ITGB8: variants seen among roughly 807,000 people sequenced by gnomAD.
ITGB8 encodes the protein integrin subunit beta 8, also known as integrin beta-8.
Under a neutral mutation model 89.5 loss-of-function variants are expected in ITGB8, and 30 were observed. The ratio of observed to expected loss-of-function variants is 0.34; its 90% CI spans 0.25 to 0.45. The LOEUF is 0.45. Ranked by LOEUF, ITGB8 falls within the 20% of genes least tolerant of loss-of-function variation. ITGB8 has a pLI of 1.00. For missense variants in ITGB8, 836 were observed against 933.3 expected (o/e 0.90, Z 1.36); for synonymous variants, 335 against 320.4 (o/e 1.05, Z -0.49).
At chr7:20,376,260 T>C (rs1366915284) in intron 3 of ITGB8, among the ~76,000 whole-genome samples, 1 of 152,160 alleles carries the variant, frequency 6.6e-6, no homozygotes, top group East Asian at 1.9e-4. Context: ...AAACCACTGA[T>C]GGGAAGTGGA....
At position 20,366,117 on chromosome 7, in the gene ITGB8, A is replaced by C. The variant is rs540897674; in HGVS notation, c.214-895A>C. ...TAAGTAATTGGAAAATAATTAGGATAGAAACAGCATCATCAATATTACCTA... is the reference window on the plus strand; with the variant it reads ...TAAGTAATTGGAAAATAATTAGGATCGAAACAGCATCATCAATATTACCTA... On this transcript the variant is annotated intron_variant, in intron 2 of 13. Coordinates refer to ENST00000222573, the MANE Select transcript of ITGB8 (RefSeq NM_002214.3). The C allele has an allele frequency of 1.6e-4, 25 of 152,324 alleles. No individual in the cohort carries two copies. The East Asian group carries it at 3.5e-3, about 21-fold the overall frequency. The allele number at this position is 152,324 out of a possible 1,614,324, so 9.4% of individuals were successfully genotyped here. A position where few individuals can be genotyped will look rare whatever the true frequency, so the allele number is the denominator to read the frequency against.
Position 20,358,272 on chromosome 7 carries a change from A to C in ITGB8, c.128-5365A>C, listed in dbSNP as rs114681624. On this transcript the variant is annotated intron_variant, in intron 1 of 13. Coordinates refer to ENST00000222573, the MANE Select transcript of ITGB8 (RefSeq NM_002214.3). ...GCCACCATTCCTGGCCTACCTGGTT[A>C]CTTTCTCTAGATGGGAGATAGCAAT... Among the ~76,000 whole-genome samples, 1,195 of 152,096 alleles carry C rather than the reference A, an allele frequency of 7.9e-3. 17 individuals carry two copies. The highest frequency in any genetic ancestry group is 0.028 in the African/African-American group (1,149 of 41,492).
intron 1 of ITGB8, among the ~76,000 whole-genome samples, chr7:20,350,987 T>C (rs1785095404): frequency 6.6e-6 from 1 of 152,166 alleles, no homozygotes. Flanking sequence ...AGTTTCCCTG[T>C]GCATAGAAAG....
chr7:20,409,420 T>C lies in ITGB8; in HGVS notation c.2024-195T>C, dbSNP rs79044096. 4.3e-3 allele frequency among the ~76,000 whole-genome samples: 660 copies of C among 152,360 alleles called. 8 individuals carry two copies. Among genetic ancestry groups the C allele is most frequent in the African/African-American group, 0.015 (613 of 41,588 alleles). ...AAGGAGGGTTTTCTATTGAAAATAT[T>C]TTCATAGTAAACGCGCAAGAAAAAT... is the stretch of plus-strand genomic sequence containing the variant. On this transcript the variant is annotated intron_variant, in intron 12 of 13. Transcript: ENST00000222573.
chr7:20,414,084 T>C lies in ITGB8; in HGVS notation c.*4087T>C, dbSNP rs566286597. The C allele has an allele frequency of 6.6e-6, 1 of 152,308 alleles. No homozygotes were observed. Among genetic ancestry groups the C allele is most frequent in the Non-Finnish European group, 1.5e-5 (1 of 67,988 alleles). 9.4% of individuals were successfully genotyped at this position (152,308 alleles called of 1,614,324 possible). A position where few individuals can be genotyped will look rare whatever the true frequency, so the allele number is the denominator to read the frequency against. On this transcript the variant is annotated 3_prime_UTR_variant, in exon 14 of 14. Coordinates refer to ENST00000222573, the MANE Select transcript of ITGB8 (RefSeq NM_002214.3). ...TTTAACATCTCTGAAATTGTGACAT[T>C]TCTTGCAACTGTTGGCACTTCAGAT... is the stretch of plus-strand genomic sequence containing the variant.
At chr7:20,333,351 G>C (rs747438655) in intron 1 of ITGB8, among the ~76,000 whole-genome samples, 2 of 152,096 alleles carry the variant, frequency 1.3e-5, no homozygotes, top group African/African-American at 2.4e-5. Flanking sequence ...TTCATTATCA[G>C]TTATCTCTTA....
At chr7:20,397,843 T>C (rs574092213) in intron 8 of ITGB8, among the ~76,000 whole-genome samples, 103 of 152,338 alleles carry the variant, frequency 6.8e-4, no homozygotes, top group Admixed American at 1.0e-3. Flanking sequence ...GATTATACCA[T>C]TGAAGAAGAG....
intron 6 of ITGB8, among the ~76,000 whole-genome samples, chr7:20,390,322 T>C (rs1267297685): frequency 6.6e-6 from 1 of 152,134 alleles, no homozygotes; most frequent in African/African-American, 2.4e-5. Context: ...TAACATCATC[T>C]CTCTGATAAG....
At chr7:20,373,538 T>C (rs909695138) in intron 3 of ITGB8, among the ~76,000 whole-genome samples, 1 of 152,194 alleles carries the variant, frequency 6.6e-6, no homozygotes, top group African/African-American at 2.4e-5. Flanking sequence ...AGTGTAGATT[T>C]AGTAAGATTT....
At chr7:20,391,655 A>C (rs10257338) in intron 7 of ITGB8, among the ~76,000 whole-genome samples, 157 bp downstream of exon 7, 120,694 of 152,100 alleles carry the variant, frequency 0.79, 48,180 homozygotes, top group Middle Eastern at 0.88. Context: ...ACAATGTCTT[A>C]ACTTAGCATT....
chr7:20,406,172 G>T lies in ITGB8; in HGVS notation c.2023+1G>T. 1 of 1,544,772 alleles carries T rather than the reference G, an allele frequency of 6.5e-7. No homozygotes were observed. Among genetic ancestry groups the T allele is most frequent in the Non-Finnish European group, 9.0e-7 (1 of 1,117,018 alleles). ...CAGCATTATGTCGACCAAACTTCAG[G>T]TAGGCCAAAGCTTAATAATCAAAGC... On this transcript the variant is annotated splice_donor_variant, in intron 12 of 13. Coordinates refer to ENST00000222573, the MANE Select transcript of ITGB8 (RefSeq NM_002214.3). LOFTEE classifies it high-confidence loss of function.
chr7:20,379,535 CA>C lies in ITGB8; in HGVS notation c.635+245del, dbSNP rs1303178209. On this transcript the variant is annotated intron_variant, in intron 4 of 13. Transcript: ENST00000222573. ...AGTCAGTTTTTATCACCAAAAAAAA[CA>C]AAAAAACAAACAAAAAACCCTACCT... 2.4e-5 allele frequency: 4 copies of C among 164,582 alleles called. No homozygotes were observed. The South Asian group carries it at 8.4e-4, about 35-fold the overall frequency. 10.2% of individuals were successfully genotyped at this position (164,582 alleles called of 1,614,324 possible).
At position 20,410,164 on chromosome 7, in the gene ITGB8, C is replaced by T; in HGVS notation, c.*167C>T. 1.5e-6 allele frequency: 1 copy of T among 659,632 alleles called. No individual in the cohort carries two copies. The allele number at this position is 659,632 out of a possible 1,614,324, so 40.9% of individuals were successfully genotyped here. A position where few individuals can be genotyped will look rare whatever the true frequency, so the allele number is the denominator to read the frequency against. On this transcript the variant is annotated 3_prime_UTR_variant, in exon 14 of 14. Coordinates refer to ENST00000222573, the MANE Select transcript of ITGB8 (RefSeq NM_002214.3). ...AGTATCCTCATCATGATGTGACTCACATAGCTGCTGACTTTTTCAGAGAAA... is the reference window on the plus strand; with the variant it reads ...AGTATCCTCATCATGATGTGACTCATATAGCTGCTGACTTTTTCAGAGAAA...
rs776606479 is a variant in ITGB8, at chr7:20,404,794, G to A, written c.1854G>A (p.Arg618=). 3 of 1,614,182 alleles carry A rather than the reference G, an allele frequency of 1.9e-6. No homozygotes were observed. Among genetic ancestry groups the A allele is most frequent in the Non-Finnish European group, 2.5e-6 (3 of 1,180,038 alleles). Residue 618 remains arginine, a synonymous_variant, in exon 11 of 14, where the codon AGG becomes AGA. Coordinates refer to ENST00000222573, the MANE Select transcript of ITGB8 (RefSeq NM_002214.3). ...VCGRCECTDP[R]SIGRFCEHCP... is the part of the protein sequence containing the mutation. ...GAAGGTGTGAGTGCACCGATCCCAG[G>A]AGCATCGGCCGCTTCTGTGAACACT...
chr7:20,396,180 T>C (rs937788189), intron 8 of ITGB8, among the ~76,000 whole-genome samples: 1 of 152,138 alleles, frequency 6.6e-6, no homozygotes, highest in African/African-American at 2.4e-5. Context: ...GGTTCATGCC[T>C]GTAATCCCAG....
At chr7:20,342,490 C>G (rs1023263875) in intron 1 of ITGB8, among the ~76,000 whole-genome samples, 9 of 152,142 alleles carry the variant, frequency 5.9e-5, no homozygotes, top group African/African-American at 2.2e-4. Context: ...CCAGGATGGT[C>G]TAAATGAGTT....
rs753496259 is a variant in ITGB8, at chr7:20,401,842, G to T, written c.1403G>T (p.Ser468Ile). 3.1e-6 allele frequency: 5 copies of T among 1,613,992 alleles called. No homozygotes were observed. The South Asian group carries it at 4.4e-5, about 14-fold the overall frequency. ...AAAATTCATATACACAGAAACTGCA[G>T]CTGTCAGTGTGAGGACAACAGAGGA... Reference protein sequence around the residue: ...TAKIHIHRNCSCQCEDNRGPK... With the variant: ...TAKIHIHRNCICQCEDNRGPK... The change falls in exon 10 of 14, where the codon AGC becomes ATC. Residue 468 changes from serine (S) to isoleucine (I), a missense_variant. Around this residue, in one of 5 missense-constraint regions of ITGB8, gnomAD observed 422 missense variants for 416.9 expected, o/e 1.01. Coordinates refer to ENST00000222573, the MANE Select transcript of ITGB8 (RefSeq NM_002214.3).
chr7:20,352,000 C>G (rs1461682313), intron 1 of ITGB8, among the ~76,000 whole-genome samples: 2 of 152,250 alleles, frequency 1.3e-5, no homozygotes, highest in East Asian at 3.9e-4. Context: ...GAGGAACAGA[C>G]TGGGAAACCA....
intron 8 of ITGB8, among the ~76,000 whole-genome samples, chr7:20,397,533 A>G (rs1229353942): frequency 6.6e-6 from 1 of 152,070 alleles, no homozygotes; most frequent in Admixed American, 6.6e-5. Context: ...GCCAACTAAG[A>G]TCTTAAGAGA....
Sources: allele counts gnomAD v4.1 joint callset (sites outside exome capture counted in the v4.1 genomes callset), GRCh38; gene constraint gnomAD v4.1.1; regional missense constraint gnomAD v4.1.1; transcripts MANE v1.5; gene names NCBI Gene and HGNC (gene_info 2026-07-23, HGNC 2026-07-21).